The following HTT variants were observed in gnomAD, a reference collection of about 807,000 sequenced individuals.
HTT encodes huntington disease protein.
A neutral mutation model predicts 362.3 loss-of-function variants in HTT; 104 were observed. That is an observed-to-expected ratio of 0.29 (90% confidence interval 0.24 to 0.34). HTT has a LOEUF of 0.34. Ranked by LOEUF, HTT falls within the 10% of genes least tolerant of loss-of-function variation. HTT has a pLI of 1.00. For synonymous variants in HTT, 1,577 were observed against 1,548.7 expected (o/e 1.02, Z -0.43); for missense variants, 3,301 against 3,928.6 (o/e 0.84, Z 4.27).
chr4:3,235,823 C>G (rs771124726), intron 63 of HTT, 45 bp downstream of exon 63: 6 of 1,453,218 alleles, frequency 4.1e-6, no homozygotes, highest in Middle Eastern at 2.1e-4. Flanking sequence ...AAGTCCTGTT[C>G]AAGGGAGGCA....
intron 63 of HTT, 62 bp from the exon 64 acceptor site, chr4:3,236,087 C>T (rs1242840291): frequency 7.6e-6 from 9 of 1,178,554 alleles, no homozygotes; most frequent in Admixed American, 6.7e-5. Flanking sequence ...GTACAAAGCA[C>T]TGTCTACAGA....
In HTT at chr4:3,238,929, C is replaced by T; in HGVS notation, c.9166C>T (p.Leu3056Phe). Residue 3056 changes from leucine to phenylalanine, a missense_variant, in exon 66 of 67, where the codon CTC becomes TTC. This residue lies in a region of HTT where 753 missense variants were observed against 1,021.3 expected (regional missense o/e 0.74). Coordinates refer to ENST00000355072, the MANE Select transcript of HTT (RefSeq NM_001388492.1). ...CCCGGTCGCCATGGCCACGTGGAGC[C>T]TCTCCTGCTTCTTTGTCAGCGCGTC... ...RAPVAMATWSLSCFFVSASTS... is the reference protein window; with the variant it reads ...RAPVAMATWSFSCFFVSASTS... 6.2e-7 allele frequency: 1 copy of T among 1,610,894 alleles called. No individual in the cohort carries two copies. The highest frequency in any genetic ancestry group is 8.5e-7 in the Non-Finnish European group (1 of 1,179,410).
At chr4:3,191,897 A>C (rs1355726545) in intron 40 of HTT, among the ~76,000 whole-genome samples, 1 of 152,194 alleles carries the variant, frequency 6.6e-6, no homozygotes, top group Non-Finnish European at 1.5e-5. Flanking sequence ...TTTCAGTTGC[A>C]GGGATAAAAC....
intron 27 of HTT, among the ~76,000 whole-genome samples, chr4:3,156,100 T>A (rs189928902): frequency 3.9e-5 from 6 of 152,240 alleles, no homozygotes; most frequent in African/African-American, 1.2e-4. Flanking sequence ...TGTCTATAAA[T>A]GAAATTTTGT....
chr4:3,140,035 A>G (rs1716263265), intron 21 of HTT, among the ~76,000 whole-genome samples: 1 of 152,050 alleles, frequency 6.6e-6, no homozygotes, highest in Non-Finnish European at 1.5e-5. Flanking sequence ...TGGGTGGATC[A>G]CGAGGTCAGG....
At chr4:3,234,766 G>C (rs774434850) in intron 61 of HTT, among the ~76,000 whole-genome samples, 1 of 152,192 alleles carries the variant, frequency 6.6e-6, no homozygotes, top group South Asian at 2.1e-4. Context: ...GCACGTTTTT[G>C]TGGGTGTTGG....
intron 3 of HTT, among the ~76,000 whole-genome samples, chr4:3,100,047 C>T (rs1178119243): frequency 6.6e-6 from 1 of 152,204 alleles, no homozygotes; most frequent in Non-Finnish European, 1.5e-5. Context: ...ACAATTGTGC[C>T]TGCACGGTGC....
intron 45 of HTT, 107 bp downstream of exon 45, chr4:3,207,464 T>C (rs1476889864): frequency 1.1e-6 from 1 of 916,752 alleles, no homozygotes; most frequent in Non-Finnish European, 1.7e-6. Flanking sequence ...ATGTGCCTTA[T>C]AGGTGGGTTT....
chr4:3,229,595 CCACACCACACACACACCACTTG>C (rs1721138964), intron 59 of HTT, among the ~76,000 whole-genome samples: 1 of 150,828 alleles, frequency 6.6e-6, no homozygotes, highest in Non-Finnish European at 1.5e-5. Flanking sequence ...TATACACACC[CCACACCACACACACACCACTTG>C]CACACCACGC....
At chr4:3,140,260 CA>C (rs754479930) in intron 21 of HTT, among the ~76,000 whole-genome samples, 8,107 of 83,006 alleles carry the variant, frequency 0.098, 237 homozygotes, top group African/African-American at 0.16. Flanking sequence ...CATTCTGTCT[CA>C]AAAAAAAAAA....
chr4:3,174,845 T>G, intron 32 of HTT, 46 bp downstream of exon 32: 1 of 1,587,072 alleles, frequency 6.3e-7, no homozygotes, highest in Non-Finnish European at 8.6e-7. Context: ...GTGTCAGTGC[T>G]AGAGAGGAAA....
In HTT at chr4:3,218,380, C is replaced by T. The variant is rs754238432; in HGVS notation, c.7242+428C>T. Among the ~76,000 whole-genome samples the T allele has an allele frequency of 9.9e-5, 15 of 152,178 alleles. No homozygotes were observed. The highest frequency in any genetic ancestry group is 4.4e-5 in the Non-Finnish European group (3 of 68,032). ...AGGCGCAGTAGCTCATGCCTGTAAT[C>T]CCAGCACTTTGGGAAGCCAAGGTGG... On this transcript the variant is annotated intron_variant, in intron 52 of 66. Transcript: ENST00000355072. The surrounding 1 kb of genome is among the most constrained non-coding windows in gnomAD (Gnocchi z 4.4).
chr4:3,093,679 G>T (rs989007355), intron 2 of HTT, among the ~76,000 whole-genome samples: 1 of 152,096 alleles, frequency 6.6e-6, no homozygotes, highest in Non-Finnish European at 1.5e-5. Flanking sequence ...GGCAGAGGGA[G>T]ATTTTACACA....
intron 2 of HTT, among the ~76,000 whole-genome samples, chr4:3,095,406 A>G (rs950969130): frequency 1.3e-5 from 2 of 152,198 alleles, no homozygotes; most frequent in Admixed American, 6.5e-5. Context: ...CGTGCCTGCA[A>G]TCCCAGGCAC....
intron 3 of HTT, among the ~76,000 whole-genome samples, chr4:3,103,154 G>A (rs1304623797): frequency 2.0e-5 from 3 of 151,192 alleles, no homozygotes; most frequent in Non-Finnish European, 4.4e-5. Context: ...TGTTCTGCTA[G>A]TGAAGATTAA....
intron 33 of HTT, among the ~76,000 whole-genome samples, chr4:3,176,957 G>A (rs1033063645): frequency 2.6e-5 from 4 of 152,206 alleles, no homozygotes; most frequent in Non-Finnish European, 5.9e-5. Flanking sequence ...AGATGGTTGG[G>A]GGACGAAGGT....
chr4:3,195,350 C>T (rs1183981748), intron 40 of HTT, among the ~76,000 whole-genome samples: 4 of 152,182 alleles, frequency 2.6e-5, no homozygotes, highest in Non-Finnish European at 4.4e-5. Context: ...CACAAAAACA[C>T]GGCTTGCGGA....
In HTT at chr4:3,228,492, G is replaced by A. The variant is rs1015429260; in HGVS notation, c.7849-123G>A. On this transcript the variant is annotated intron_variant, in intron 57 of 66. Transcript: ENST00000355072. This position sits in a 1 kb window ranked among gnomAD's most constrained non-coding sequence, Gnocchi z 4.3. ...TGCCCGTAACCTGGGGTGTCTGAAC[G>A]ACCCTTGCTAAGGGGCAGACTGTTA... 8.7e-6 allele frequency: 10 copies of A among 1,154,546 alleles called. No homozygotes were observed. Among genetic ancestry groups the A allele is most frequent in the Non-Finnish European group, 1.2e-5 (10 of 844,420 alleles). 71.5% of individuals were successfully genotyped at this position (1,154,546 alleles called of 1,614,324 possible).
At chr4:3,224,221 G>A in intron 56 of HTT, 90 bp downstream of exon 56, 1 of 1,376,960 alleles carries the variant, frequency 7.3e-7, no homozygotes, top group Non-Finnish European at 1.0e-6. Context: ...GATGCGGGAA[G>A]ACCTGAGTGT....
Sources: allele counts gnomAD v4.1 joint callset (sites outside exome capture counted in the v4.1 genomes callset), GRCh38; gene constraint gnomAD v4.1.1; regional missense constraint gnomAD v4.1.1; non-coding constraint Gnocchi (gnomAD v3.1); transcripts MANE v1.5; gene names NCBI Gene and HGNC (gene_info 2026-07-23, HGNC 2026-07-21).